MTUS2: variants seen among roughly 807,000 people sequenced by gnomAD.
MTUS2 encodes the protein microtubule-associated tumor suppressor candidate 2.
Under a neutral mutation model 114.1 loss-of-function variants are expected in MTUS2, and 40 were observed. The observed-to-expected ratio is 0.35, with a 90% confidence interval of 0.27 to 0.46. MTUS2 has a LOEUF of 0.46. Among genes scored for constraint, MTUS2 ranks in the 20% least tolerant of loss-of-function variants. The pLI is 1.00. For synonymous variants in MTUS2, 688 were observed against 672.0 expected, an observed-to-expected ratio of 1.02 and a Z score of -0.37; for missense variants, 1,679 against 1,705.4, an observed-to-expected ratio of 0.98 and a Z score of 0.27.
intron 5 of MTUS2, among the ~76,000 whole-genome samples, chr13:29,193,359 T>C (rs1469763579): frequency 6.6e-6 from 1 of 151,960 alleles, no homozygotes; most frequent in Admixed American, 6.6e-5. Context: ...GCTACAGTAG[T>C]CATGGATACT....
Position 29,287,791 on chromosome 13 carries a change from G to T in MTUS2, c.2806+5926G>T, listed in dbSNP as rs1264169997. On this transcript the variant is annotated intron_variant, in intron 6 of 15. Coordinates refer to ENST00000612955, the MANE Select transcript of MTUS2 (RefSeq NM_001033602.4). ...TAGTTTCTCCAGACTTACCAATTCA[G>T]TGATGAGGTTAGCGGGTATTATGTT... 2.6e-5 allele frequency among the ~76,000 whole-genome samples: 4 copies of T among 152,220 alleles called. 1 individual carries two copies. In the East Asian group the frequency reaches 7.7e-4, roughly 29 times the overall value.
chr13:29,011,928 A>T (rs1333964877), intron 2 of MTUS2, among the ~76,000 whole-genome samples: 1 of 152,224 alleles, frequency 6.6e-6, no homozygotes, highest in Non-Finnish European at 1.5e-5. Flanking sequence ...CTGATGAAAG[A>T]TAAAAGAAAT....
chr13:29,271,092 C>T (rs1319068021), intron 5 of MTUS2, among the ~76,000 whole-genome samples: 2 of 152,182 alleles, frequency 1.3e-5, no homozygotes, highest in African/African-American at 4.8e-5. Context: ...CCTTAAGCAT[C>T]CTTCTAGTCT....
At chr13:29,114,721 C>A (rs948681508) in intron 5 of MTUS2, among the ~76,000 whole-genome samples, 7 of 152,150 alleles carry the variant, frequency 4.6e-5, no homozygotes, top group African/African-American at 1.7e-4. Context: ...TTCTTGAAGA[C>A]CTCCTGTCCA....
rs180940125 is a variant in MTUS2 at position 29,504,977 on chromosome 13, G to A, written c.*1771G>A. The A allele has an allele frequency of 3.2e-3, 744 of 232,586 alleles. No homozygotes were observed. The highest frequency in any genetic ancestry group is 4.1e-3 in the Admixed American group (73 of 17,764). The allele number at this position is 232,586 out of a possible 1,614,324, so 14.4% of individuals were successfully genotyped here. Reference sequence around the variant, plus strand: ...GTCCCTGGCCCTAGGATGAGTCCACGCTGGGCTTCCGGGCCTCAGGTGCAT... The same window carrying A: ...GTCCCTGGCCCTAGGATGAGTCCACACTGGGCTTCCGGGCCTCAGGTGCAT... On this transcript the variant is annotated 3_prime_UTR_variant, in exon 16 of 16. Coordinates refer to ENST00000612955, the MANE Select transcript of MTUS2 (RefSeq NM_001033602.4).
At chr13:28,938,853 A>C (rs1882068776) in intron 2 of MTUS2, among the ~76,000 whole-genome samples, 1 of 152,212 alleles carries the variant, frequency 6.6e-6, no homozygotes, top group African/African-American at 2.4e-5. Context: ...AGCTGTATTT[A>C]CTTTAAAATG....
intron 5 of MTUS2, among the ~76,000 whole-genome samples, chr13:29,128,539 C>T (rs1301210574): frequency 6.6e-6 from 1 of 152,024 alleles, no homozygotes; most frequent in East Asian, 1.9e-4. Flanking sequence ...GAAAATCTTA[C>T]GGAAGGTGAA....
At chr13:28,950,644 C>T (rs1053577068) in intron 2 of MTUS2, among the ~76,000 whole-genome samples, 1 of 152,106 alleles carries the variant, frequency 6.6e-6, no homozygotes, top group Admixed American at 6.6e-5. Context: ...GGAAAATGAC[C>T]AGTCAGTGGA....
At chr13:28,899,340 A>G (rs1351482742) in intron 2 of MTUS2, among the ~76,000 whole-genome samples, 1 of 152,216 alleles carries the variant, frequency 6.6e-6, no homozygotes, top group Non-Finnish European at 1.5e-5. Flanking sequence ...TGTGCCAATC[A>G]CCAAATTTTG....
rs1873135967 is a variant in MTUS2 at position 29,389,725 on chromosome 13, A to ATGTGTGTATATGTATATACATACG, written c.3117+30253_3117+30254insGTGTGTATATGTATATACATACGT. 1.2e-4 allele frequency among the ~76,000 whole-genome samples: 4 copies of ATGTGTGTATATGTATATACATACG among 32,974 alleles called. 2 individuals carry two copies. The allele number at this position is 32,974 out of a possible 152,430, so 21.6% of individuals were successfully genotyped here. A position where few individuals can be genotyped will look rare whatever the true frequency, so the allele number is the denominator to read the frequency against. ...TATGTGTATATGTATATATACATAC[A>ATGTGTGTATATGTATATACATACG]TATGTGTGTATATGTATATACATAC... On this transcript the variant is annotated intron_variant, in intron 8 of 15. Transcript: ENST00000612955.
chr13:29,502,510 C>T (rs1282525122), intron 15 of MTUS2, among the ~76,000 whole-genome samples: 2 of 152,248 alleles, frequency 1.3e-5, no homozygotes, highest in African/African-American at 4.8e-5. Context: ...GGGGAGGACA[C>T]CTGCCATCGT....
chr13:28,995,130 C>T (rs889394304), intron 2 of MTUS2, among the ~76,000 whole-genome samples: 57 of 152,270 alleles, frequency 3.7e-4, no homozygotes, highest in African/African-American at 1.0e-3. Flanking sequence ...GCTAGCCAGT[C>T]TTCCCAGCAC....
At chr13:29,132,488 C>T (rs1891807637) in intron 5 of MTUS2, among the ~76,000 whole-genome samples, 1 of 152,170 alleles carries the variant, frequency 6.6e-6, no homozygotes. Flanking sequence ...AAACTCTGTA[C>T]CCATTAAACA....
intron 7 of MTUS2, among the ~76,000 whole-genome samples, chr13:29,351,695 A>G (rs112477425): frequency 0.075 from 11,396 of 151,434 alleles, 1,450 homozygotes; most frequent in African/African-American, 0.26. Flanking sequence ...CTTGACCTCC[A>G]AGGCTCGAGC....
At chr13:28,830,769 G>T (rs1874615152) in intron 1 of MTUS2, among the ~76,000 whole-genome samples, 1 of 152,098 alleles carries the variant, frequency 6.6e-6, no homozygotes, top group African/African-American at 2.4e-5. Context: ...AACTCAAGCA[G>T]CAAGAGAGAA....
chr13:29,448,238 C>T (rs141835067), intron 9 of MTUS2, among the ~76,000 whole-genome samples: 1 of 152,124 alleles, frequency 6.6e-6, no homozygotes, highest in African/African-American at 2.4e-5. Flanking sequence ...CTGGCTGGCA[C>T]CCCTAGCTAA....
intron 5 of MTUS2, among the ~76,000 whole-genome samples, chr13:29,218,558 A>G (rs1255687342): frequency 6.6e-6 from 1 of 152,252 alleles, no homozygotes; most frequent in African/African-American, 2.4e-5. Flanking sequence ...TATGGCAGCT[A>G]TAGCCCTACA....
chr13:29,186,817 CATT>C (rs1165557537), intron 5 of MTUS2, among the ~76,000 whole-genome samples: 3 of 152,080 alleles, frequency 2.0e-5, no homozygotes, highest in Non-Finnish European at 4.4e-5. Context: ...ACAGAATGCA[CATT>C]ATTCTCAAGT....
chr13:29,479,817 T>C (rs1881016941), intron 9 of MTUS2, among the ~76,000 whole-genome samples: 1 of 152,220 alleles, frequency 6.6e-6, no homozygotes, highest in Non-Finnish European at 1.5e-5. Flanking sequence ...ATATTTTTTA[T>C]GTCTGTGGAC....
Sources: gnomAD v4.1 joint callset for allele counts (sites outside exome capture counted in the v4.1 genomes callset) on GRCh38, gnomAD v4.1.1 for gene constraint, MANE v1.5 for transcripts, NCBI Gene and HGNC (gene_info 2026-07-23, HGNC 2026-07-21) for gene names.